The following CACNA1B variants were observed in gnomAD, a reference collection of about 807,000 sequenced individuals.
CACNA1B encodes the protein voltage-dependent N-type calcium channel subunit alpha-1B.
In CACNA1B, 70 loss-of-function variants were observed where a neutral mutation model predicts 247.2. That is an observed-to-expected ratio of 0.28 (90% CI 0.23 to 0.35). The LOEUF (loss-of-function observed/expected upper bound fraction) is 0.35, where lower values mean the gene tolerates loss of function less well. Among genes scored for constraint, CACNA1B ranks in the 10% least tolerant of loss-of-function variants. The pLI is 1.00. For missense variants in CACNA1B, 2,367 were observed against 3,197.4 expected (o/e 0.74, Z 6.26); for synonymous variants, 1,231 against 1,294.4 (o/e 0.95, Z 1.05).
rs1961270510 is a variant in CACNA1B at position 138,102,054 on chromosome 9, G to C, written c.5223-657G>C. Among the ~76,000 whole-genome samples the C allele has an allele frequency of 6.6e-6, 1 of 152,164 alleles. No homozygotes were observed. Among genetic ancestry groups the C allele is most frequent in the African/African-American group, 2.4e-5 (1 of 41,444 alleles). On this transcript the variant is annotated intron_variant, in intron 37 of 46. Coordinates refer to ENST00000371372, the MANE Select transcript of CACNA1B (RefSeq NM_000718.4). This position sits in a 1 kb window ranked among gnomAD's most constrained non-coding sequence, Gnocchi z 5.4. ...AGTCTCCCATTTCCCACCCAGCCCT[G>C]AGCCCCAGCAGCAGCCCTGCCCTGG...
intron 12 of CACNA1B, among the ~76,000 whole-genome samples, chr9:137,983,352 C>G (rs1264683825): frequency 6.6e-6 from 1 of 152,154 alleles, no homozygotes; most frequent in Non-Finnish European, 1.5e-5. Context: ...TTTGGGGCCC[C>G]TTGCTTGTCC....
chr9:138,003,749 A>C (rs1225174733), intron 15 of CACNA1B, among the ~76,000 whole-genome samples: 1 of 150,232 alleles, frequency 6.7e-6, no homozygotes, highest in Non-Finnish European at 1.5e-5. Flanking sequence ...GCCCCTGGGC[A>C]GGAGAAATGA....
intron 5 of CACNA1B, among the ~76,000 whole-genome samples, chr9:137,916,903 G>C (rs868556973): frequency 3.3e-5 from 5 of 152,210 alleles, no homozygotes; most frequent in African/African-American, 9.6e-5. Flanking sequence ...GAGAGGAATG[G>C]TCAGGGTGGT....
At chr9:138,085,539 C>A (rs1960666605) in intron 36 of CACNA1B, among the ~76,000 whole-genome samples, 1 of 151,096 alleles carries the variant, frequency 6.6e-6, no homozygotes, top group African/African-American at 2.5e-5. Context: ...GCTCAACAGT[C>A]CCCCAATAGA....
chr9:137,993,352 T>TTGTCTAGATAGATTAAATTTTTGTC lies in CACNA1B; in HGVS notation c.1974+6520_1974+6521insGTCTGTCTAGATAGATTAAATTTTT, dbSNP rs1554744039. On this transcript the variant is annotated intron_variant, in intron 15 of 46. Coordinates refer to ENST00000371372, the MANE Select transcript of CACNA1B (RefSeq NM_000718.4). ...ATTTTTGTCTATCTAGATTAAATTT[T>TTGTCTAGATAGATTAAATTTTTGTC]TGTCTAGATAGATTAAATTTTTATT... 4.4e-4 allele frequency among the ~76,000 whole-genome samples: 62 copies of TTGTCTAGATAGATTAAATTTTTGTC among 140,826 alleles called. 1 individual carries two copies. The East Asian group carries it at 7.6e-3, about 17-fold the overall frequency. 92.4% of individuals were successfully genotyped at this position (140,826 alleles called of 152,430 possible).
At chr9:137,994,258 G>A (rs1327991301) in intron 15 of CACNA1B, among the ~76,000 whole-genome samples, 1 of 152,160 alleles carries the variant, frequency 6.6e-6, no homozygotes, top group Non-Finnish European at 1.5e-5. Flanking sequence ...ACCAGTAAAA[G>A]TTTGAAAGTA....
intron 6 of CACNA1B, among the ~76,000 whole-genome samples, chr9:137,937,635 A>G (rs1957683240): frequency 6.6e-6 from 1 of 152,200 alleles, no homozygotes; most frequent in South Asian, 2.1e-4. Flanking sequence ...GCACATTGTC[A>G]TCATATTATC....
chr9:138,009,889 G>T, intron 16 of CACNA1B, 121 bp from the exon 17 acceptor site: 1 of 724,178 alleles, frequency 1.4e-6, no homozygotes, highest in Non-Finnish European at 2.4e-6. Flanking sequence ...GCCTTGGGGA[G>T]CTGGTAGGTG....
intron 32 of CACNA1B, among the ~76,000 whole-genome samples, chr9:138,070,976 A>C (rs1157424329): frequency 6.6e-6 from 1 of 152,192 alleles, no homozygotes; most frequent in Non-Finnish European, 1.5e-5. Flanking sequence ...CCCAGCTGAC[A>C]CTCGGGACAA....
chr9:137,948,049 C>T (rs1165143516), intron 6 of CACNA1B, among the ~76,000 whole-genome samples: 9 of 138,468 alleles, frequency 6.5e-5, no homozygotes, highest in South Asian at 2.3e-4. Flanking sequence ...GGCACAATCT[C>T]GGCTCACTGC....
Position 138,047,055 on chromosome 9 carries a change from G to A in CACNA1B, c.3543+22G>A, listed in dbSNP as rs978843595. 2.3e-5 allele frequency: 36 copies of A among 1,593,164 alleles called. No individual in the cohort carries two copies. The African/African-American group carries it at 4.2e-4, about 18-fold the overall frequency. On this transcript the variant is annotated intron_variant, in intron 22 of 46. Transcript: ENST00000371372. The stretch of plus-strand genomic sequence containing the variant: ...CAACGTGAGTGGCCCGGATGGCCGG[G>A]TCCCCGCCAGGCTGTGGCGGGGGAG...
At chr9:137,942,618 A>G (rs1957745930) in intron 6 of CACNA1B, among the ~76,000 whole-genome samples, 1 of 152,044 alleles carries the variant, frequency 6.6e-6, no homozygotes, top group African/African-American at 2.4e-5. Context: ...TGATATATAT[A>G]TGATGGACTA....
chr9:137,972,543 G>A (rs1022466824), intron 11 of CACNA1B, among the ~76,000 whole-genome samples: 29 of 152,118 alleles, frequency 1.9e-4, no homozygotes, highest in African/African-American at 7.0e-4. Flanking sequence ...CTGCTGTCAC[G>A]GTGGCCTCAC....
chr9:138,055,330 T>C (rs1233322271), intron 26 of CACNA1B, among the ~76,000 whole-genome samples: 1 of 152,056 alleles, frequency 6.6e-6, no homozygotes, highest in African/African-American at 2.4e-5. Flanking sequence ...GAGGTCTTGC[T>C]ATGTTGCCAA....
Position 138,072,691 on chromosome 9 carries a change from G to A in CACNA1B, c.4675-797G>A, listed in dbSNP as rs1960173561. Among the ~76,000 whole-genome samples the A allele has an allele frequency of 6.6e-6, 1 of 152,228 alleles. No homozygotes were observed. The highest frequency in any genetic ancestry group is 2.4e-5 in the African/African-American group (1 of 41,464). On this transcript the variant is annotated intron_variant, in intron 32 of 46. Transcript: ENST00000371372. This position sits in a 1 kb window ranked among gnomAD's most constrained non-coding sequence, Gnocchi z 4.5. ...CAGAGCCTGCTTCCCTGAAAGGGAT[G>A]TGCCAGTACAGTAATTCAAGTGCCC...
At chr9:138,043,620 G>A (rs768444122) in intron 20 of CACNA1B, among the ~76,000 whole-genome samples, 154 bp from the exon 21 acceptor site, 3 of 152,186 alleles carry the variant, frequency 2.0e-5, no homozygotes, top group Non-Finnish European at 4.4e-5. Flanking sequence ...CCACGGTCAT[G>A]TACGTGAAGC....
chr9:137,983,097 G>A (rs1008047508), intron 12 of CACNA1B, among the ~76,000 whole-genome samples: 7 of 152,226 alleles, frequency 4.6e-5, no homozygotes, highest in African/African-American at 1.2e-4. Context: ...GAGCATTGAC[G>A]TTAAGCTCAT....
Position 137,914,147 on chromosome 9 carries a change from T to C in CACNA1B, c.623-507T>C, listed in dbSNP as rs1034328632. The stretch of plus-strand genomic sequence containing the variant: ...GATCCCCTGCTCTTCCCTCCCAGGG[T>C]CCCCTCCTCTTAGCTCCCAGCATTC... On this transcript the variant is annotated intron_variant, in intron 4 of 46. Transcript: ENST00000371372. The surrounding 1 kb of genome is among the most constrained non-coding windows in gnomAD (Gnocchi z 4.3). Among the ~76,000 whole-genome samples, 3 of 151,890 alleles carry C rather than the reference T, an allele frequency of 2.0e-5. No individual in the cohort carries two copies. The highest frequency in any genetic ancestry group is 7.3e-5 in the African/African-American group (3 of 41,332).
rs776406746 is a variant in CACNA1B at position 137,952,250 on chromosome 9, T to A, written c.967-24T>A. The stretch of plus-strand genomic sequence containing the variant: ...GACTGTGTTTTGTCCCTGTCCTTCC[T>A]CATCTCCCTCTCCTTGCTTCCAGAC... On this transcript the variant is annotated intron_variant, in intron 6 of 46. Coordinates refer to ENST00000371372, the MANE Select transcript of CACNA1B (RefSeq NM_000718.4). This position sits in a 1 kb window ranked among gnomAD's most constrained non-coding sequence, Gnocchi z 4.8. The A allele has an allele frequency of 1.3e-6, 2 of 1,598,092 alleles. No homozygotes were observed. The highest frequency in any genetic ancestry group is 8.6e-7 in the Non-Finnish European group (1 of 1,165,544).
Sources: gnomAD v4.1 joint callset for allele counts (sites outside exome capture counted in the v4.1 genomes callset) on GRCh38, gnomAD v4.1.1 for gene constraint, Gnocchi (gnomAD v3.1) non-coding constraint, MANE v1.5 for transcripts, NCBI Gene and HGNC (gene_info 2026-07-23, HGNC 2026-07-21) for gene names.